Variants in KIF26B observed in about 807,000 individuals in gnomAD.
KIF26B encodes the protein kinesin-like protein KIF26B.
A neutral mutation model predicts 151.2 loss-of-function variants in KIF26B; 63 were observed. The ratio of observed to expected loss-of-function variants is 0.42; its 90% CI spans 0.34 to 0.51. The LOEUF (loss-of-function observed/expected upper bound fraction) is 0.51. KIF26B is among the 20% of genes least tolerant of loss of function. The pLI, the probability that KIF26B is intolerant of heterozygous loss-of-function variation, is 0.07. For missense variants in KIF26B, 2,813 were observed against 2,913.6 expected, an observed-to-expected ratio of 0.97 and a Z score of 0.79; for synonymous variants, 1,357 against 1,262.1, an observed-to-expected ratio of 1.08 and a Z score of -1.59.
At position 245,218,565 on chromosome 1, in the gene KIF26B, G is replaced by A. The variant is rs1049094440; in HGVS notation, c.465+61882G>A. On this transcript the variant is annotated intron_variant, in intron 2 of 14. Coordinates refer to ENST00000407071, the MANE Select transcript of KIF26B (RefSeq NM_018012.4). The surrounding 1 kb of genome is among the most constrained non-coding windows in gnomAD (Gnocchi z 4.1). The stretch of plus-strand genomic sequence containing the variant: ...ATATCAACTCTCTATGGAAGAACAA[G>A]AACCGAGGTGTCTCTTCTGCCCCAT... Among the ~76,000 whole-genome samples, 5 of 152,162 alleles carry A rather than the reference G, an allele frequency of 3.3e-5. No individual in the cohort carries two copies. The highest frequency in any genetic ancestry group is 1.2e-4 in the African/African-American group (5 of 41,422).
At chr1:245,461,771 A>G (rs1201389224) in intron 4 of KIF26B, among the ~76,000 whole-genome samples, 1 of 152,126 alleles carries the variant, frequency 6.6e-6, no homozygotes, top group Non-Finnish European at 1.5e-5. Flanking sequence ...CAAGAATAGT[A>G]TTTTAATTGC....
Position 245,520,600 on chromosome 1 carries a change from CCACCCACCCACCCAT to C in KIF26B, c.1167-20165_1167-20151del, listed in dbSNP as rs1424837053. On this transcript the variant is annotated intron_variant, in intron 4 of 14. Transcript: ENST00000407071. Reference sequence around the variant, plus strand: ...TCCATCCATCCATCCATCCATCCATCCACCCACCCACCCATCCATCCATCCATCCATCCATCCATC... The same window carrying C: ...TCCATCCATCCATCCATCCATCCATCCCATCCATCCATCCATCCATCCATC... Among the ~76,000 whole-genome samples, 43 of 88,988 alleles carry C rather than the reference CCACCCACCCACCCAT, an allele frequency of 4.8e-4. 1 individual carries two copies. The highest frequency in any genetic ancestry group is 1.3e-3 in the South Asian group (3 of 2,322). The allele number at this position is 88,988 out of a possible 152,430, so 58.4% of individuals were successfully genotyped here.
chr1:245,675,651 A>C lies in KIF26B; in HGVS notation c.2259-8582A>C, dbSNP rs563763002. On this transcript the variant is annotated intron_variant, in intron 10 of 14. Coordinates refer to ENST00000407071, the MANE Select transcript of KIF26B (RefSeq NM_018012.4). ...GTATCTGAAGAGCAATGGAAGGAAC[A>C]TGGAATGTTCTTAAACAACAGAACA... is the stretch of plus-strand genomic sequence containing the variant. 6.6e-5 allele frequency among the ~76,000 whole-genome samples: 10 copies of C among 152,294 alleles called. No individual in the cohort carries two copies. The South Asian group carries it at 1.9e-3, about 28-fold the overall frequency.
chr1:245,339,367 G>A (rs1482388599), intron 2 of KIF26B, among the ~76,000 whole-genome samples: 2 of 152,188 alleles, frequency 1.3e-5, no homozygotes, highest in Non-Finnish European at 2.9e-5. Context: ...ATTCTGTACG[G>A]ATGTGGCTGA....
intron 2 of KIF26B, among the ~76,000 whole-genome samples, chr1:245,314,689 C>G (rs1335799650): frequency 6.6e-6 from 1 of 152,152 alleles, no homozygotes; most frequent in Non-Finnish European, 1.5e-5. Context: ...CAGCTTTGAC[C>G]ATGATTGCTC....
intron 2 of KIF26B, among the ~76,000 whole-genome samples, chr1:245,173,330 A>G (rs1311444990): frequency 1.3e-5 from 2 of 152,110 alleles, no homozygotes; most frequent in African/African-American, 4.8e-5. Flanking sequence ...TGCACGCTGA[A>G]AAATTATTAT....
chr1:245,178,334 C>T (rs73125057), intron 2 of KIF26B, among the ~76,000 whole-genome samples: 31,292 of 151,924 alleles, frequency 0.21, 4,336 homozygotes, highest in East Asian at 0.4. Flanking sequence ...ATAAGAGGAG[C>T]GGTGTCTTTT....
chr1:245,364,422 CTTTTTTT>C (rs763619030), intron 2 of KIF26B, among the ~76,000 whole-genome samples: 10 of 98,920 alleles, frequency 1.0e-4, no homozygotes, highest in East Asian at 5.7e-4. Context: ...CTCTCTCTCT[CTTTTTTT>C]TTTTTTTTTT....
In KIF26B at chr1:245,698,999, A is replaced by G. The variant is rs370280532; in HGVS notation, c.6140A>G (p.Gln2047Arg). The G allele has an allele frequency of 4.3e-6, 7 of 1,613,928 alleles. No individual in the cohort carries two copies. The highest frequency in any genetic ancestry group is 3.3e-5 in the Admixed American group (2 of 60,010). Reference protein sequence around the residue: ...WLMKELEATKQYLMLDPNKWL... With the variant: ...WLMKELEATKRYLMLDPNKWL... ...ATGAAGGAGCTGGAGGCGACCAAACAGTATCTGATGCTGGATCCCAACAAG... is the reference window on the plus strand; with the variant it reads ...ATGAAGGAGCTGGAGGCGACCAAACGGTATCTGATGCTGGATCCCAACAAG... The change falls in exon 14 of 15, where the codon CAG (glutamine) becomes CGG (arginine). Residue 2047 changes from glutamine (Q) to arginine (R), a missense_variant. By Grantham distance (43) the Gln-to-Arg change is conservative. Around this residue, in one of 3 missense-constraint regions of KIF26B, gnomAD observed 2,060 missense variants for 2,088.6 expected, o/e 0.99. Coordinates refer to ENST00000407071, the MANE Select transcript of KIF26B (RefSeq NM_018012.4). The surrounding 1 kb of genome is among the most constrained non-coding windows in gnomAD (Gnocchi z 4.0).
intron 4 of KIF26B, among the ~76,000 whole-genome samples, chr1:245,457,084 T>C (rs1659549857): frequency 6.6e-6 from 1 of 152,220 alleles, no homozygotes; most frequent in Non-Finnish European, 1.5e-5. Context: ...CAGGCTGGGC[T>C]CGAACTCCTG....
At chr1:245,579,782 A>G (rs1450519960) in intron 5 of KIF26B, among the ~76,000 whole-genome samples, 1 of 151,302 alleles carries the variant, frequency 6.6e-6, no homozygotes. Context: ...TGGAAGGTGG[A>G]GGTTGCGGTG....
At chr1:245,296,827 A>T (rs145724905) in intron 2 of KIF26B, among the ~76,000 whole-genome samples, 1 of 152,288 alleles carries the variant, frequency 6.6e-6, no homozygotes, top group East Asian at 1.9e-4. Flanking sequence ...GCCTCATCTC[A>T]GGACTGTACT....
intron 2 of KIF26B, among the ~76,000 whole-genome samples, chr1:245,189,818 T>C (rs1290864129): frequency 6.6e-6 from 1 of 151,998 alleles, no homozygotes; most frequent in Non-Finnish European, 1.5e-5. Flanking sequence ...GACAAAGAGG[T>C]TTAATGGACT....
chr1:245,575,539 C>T (rs966258548), intron 5 of KIF26B, among the ~76,000 whole-genome samples: 1 of 152,012 alleles, frequency 6.6e-6, no homozygotes, highest in Non-Finnish European at 1.5e-5. Flanking sequence ...TCAGATTTCA[C>T]TCACTGACCT....
chr1:245,279,039 G>T lies in KIF26B; in HGVS notation c.466-87795G>T, dbSNP rs902610695. Among the ~76,000 whole-genome samples, 3 of 152,118 alleles carry T rather than the reference G, an allele frequency of 2.0e-5. 1 individual carries two copies. The East Asian group carries it at 5.8e-4, about 29-fold the overall frequency. Reference sequence around the variant, plus strand: ...ACGTGTCTGATAGCCAGTTCCTTACGAAGCCTCTGTCATGCTTACGGAGCA... The same window carrying T: ...ACGTGTCTGATAGCCAGTTCCTTACTAAGCCTCTGTCATGCTTACGGAGCA... On this transcript the variant is annotated intron_variant, in intron 2 of 14. Transcript: ENST00000407071.
At chr1:245,556,188 T>A (rs1662020489) in intron 5 of KIF26B, among the ~76,000 whole-genome samples, 1 of 151,944 alleles carries the variant, frequency 6.6e-6, no homozygotes, top group Non-Finnish European at 1.5e-5. Context: ...AATGCCCAAA[T>A]TTTAGCACAT....
rs983960029 is a variant in KIF26B at position 245,684,382 on chromosome 1, A to C, written c.2408A>C (p.Lys803Thr). 1.2e-6 allele frequency: 2 copies of C among 1,610,670 alleles called. No individual in the cohort carries two copies. The highest frequency in any genetic ancestry group is 1.7e-6 in the Non-Finnish European group (2 of 1,177,972). ...QIASRVLRMK[K>T]KKTKYTSSSS... ...GCATCGAGAGTCTTGAGGATGAAGA[A>C]AAAGAAGACGAAGGTAAGGAGCTCG... is the stretch of plus-strand genomic sequence containing the variant. Residue 803 changes from lysine to threonine, a missense_variant, in exon 11 of 15, where the codon AAA becomes ACA. Around this residue, in one of 3 missense-constraint regions of KIF26B, gnomAD observed 2,060 missense variants for 2,088.6 expected, o/e 0.99. Transcript: ENST00000407071.
rs765036921 is a variant in KIF26B, at chr1:245,602,807, C to T, written c.1557+24C>T. ...AGGTGGGTATCAGCCCCCTCTCAGG[C>T]TCAGGCAACGTTGATGAAAGGGCAA... On this transcript the variant is annotated intron_variant, in intron 6 of 14. Transcript: ENST00000407071. The surrounding 1 kb of genome is among the most constrained non-coding windows in gnomAD (Gnocchi z 4.5). The T allele has an allele frequency of 3.7e-6, 6 of 1,609,510 alleles. No homozygotes were observed. The South Asian group carries it at 6.6e-5, about 18-fold the overall frequency.
rs953568204 is a variant in KIF26B, at chr1:245,708,911, A to C, written c.*6305A>C. ...TGCCCAGGTGCATTTATTGTGCCAG[A>C]AACAGTGAATTCCTAAATAAGTTCA... On this transcript the variant is annotated 3_prime_UTR_variant, in exon 15 of 15. Transcript: ENST00000407071. The C allele has an allele frequency of 9.8e-5, 15 of 152,344 alleles. No homozygotes were observed. Among genetic ancestry groups the C allele is most frequent in the Non-Finnish European group, 1.6e-4 (11 of 68,030 alleles). 9.4% of individuals were successfully genotyped at this position (152,344 alleles called of 1,614,324 possible). A position where few individuals can be genotyped will look rare whatever the true frequency, so the allele number is the denominator to read the frequency against.
Sources: allele counts gnomAD v4.1 joint callset (sites outside exome capture counted in the v4.1 genomes callset), GRCh38; gene constraint gnomAD v4.1.1; regional missense constraint gnomAD v4.1.1; non-coding constraint Gnocchi (gnomAD v3.1); transcripts MANE v1.5; gene names NCBI Gene and HGNC (gene_info 2026-07-23, HGNC 2026-07-21).